ATRX: variants seen among roughly 807,000 people sequenced by gnomAD.
The protein encoded by ATRX is ATRX chromatin remodeler.
Under a neutral mutation model 172.6 loss-of-function variants are expected in ATRX, and 12 were observed. That is an observed-to-expected ratio of 0.07 (90% confidence interval 0.04 to 0.11). The LOEUF is 0.11. Ranked by LOEUF, ATRX falls within the 10% of genes least tolerant of loss-of-function variation. The pLI is 1.00. For missense variants in ATRX, 1,368 were observed against 1,767.4 expected (o/e 0.77, Z 4.05); for synonymous variants, 674 against 594.7 (o/e 1.13, Z -1.94).
chrX:77,514,784 A>G (rs1476527468), intron 34 of ATRX, among the ~76,000 whole-genome samples: 1 of 112,746 alleles, frequency 8.9e-6, no homozygotes, highest in Non-Finnish European at 1.9e-5. Context: ...TCTGCACAGC[A>G]GAGCTTCTGC....
chrX:77,636,089 C>T (rs2068335287), intron 15 of ATRX, 33 bp from the exon 16 acceptor site: 1 of 1,197,766 alleles, frequency 8.3e-7, no homozygotes, highest in African/African-American at 1.8e-5. Context: ...TAGTTAAGCT[C>T]AAAGAAATCA....
intron 28 of ATRX, among the ~76,000 whole-genome samples, chrX:77,564,904 T>C (rs2065144899): frequency 9.0e-6 from 1 of 111,561 alleles, no homozygotes; most frequent in Non-Finnish European, 1.9e-5. Flanking sequence ...CGTAACCAAG[T>C]TATAACAAGG....
intron 13 of ATRX, among the ~76,000 whole-genome samples, chrX:77,654,419 G>C (rs782373012): frequency 1.1e-3 from 124 of 111,222 alleles, no homozygotes; most frequent in Non-Finnish European, 2.2e-3. Context: ...TTTGTTATAT[G>C]AGTAAGAAGA....
At chrX:77,624,779 T>C (rs1431304359) in intron 19 of ATRX, among the ~76,000 whole-genome samples, 1 of 112,132 alleles carries the variant, frequency 8.9e-6, no homozygotes, top group East Asian at 2.8e-4. Flanking sequence ...CCCATGCTCA[T>C]GAATGGGTAG....
chrX:77,602,783 A>C (rs1248978150), intron 22 of ATRX, among the ~76,000 whole-genome samples: 1 of 111,209 alleles, frequency 9.0e-6, no homozygotes, highest in Non-Finnish European at 1.9e-5. Flanking sequence ...TTTAGTAAGA[A>C]GAGGAATGTT....
chrX:77,662,617 G>A (rs1465282879), intron 12 of ATRX, among the ~76,000 whole-genome samples: 1 of 111,959 alleles, frequency 8.9e-6, no homozygotes, highest in Non-Finnish European at 1.9e-5. Context: ...TCATGTGATA[G>A]TATACTTGTT....
At chrX:77,697,693 A>G in intron 3 of ATRX, 58 bp from the exon 4 acceptor site, 1 of 1,037,649 alleles carries the variant, frequency 9.6e-7, no homozygotes, top group Non-Finnish European at 1.4e-6. Flanking sequence ...CATCCCTACA[A>G]TTAGCTATTT....
intron 22 of ATRX, among the ~76,000 whole-genome samples, chrX:77,602,273 G>A (rs1230741288): frequency 3.6e-5 from 4 of 111,332 alleles, no homozygotes; most frequent in Admixed American, 9.6e-5. Context: ...CCTCCCGAAA[G>A]GCTGGGATTA....
intron 1 of ATRX, among the ~76,000 whole-genome samples, chrX:77,781,634 C>T (rs1557205686): frequency 2.7e-5 from 3 of 110,922 alleles, no homozygotes; most frequent in African/African-American, 9.8e-5. Context: ...AGTTAAACAT[C>T]TTGCATGTCA....
intron 1 of ATRX, among the ~76,000 whole-genome samples, chrX:77,720,928 T>A (rs1448418567): frequency 9.0e-6 from 1 of 111,412 alleles, no homozygotes; most frequent in South Asian, 3.7e-4. Context: ...AAATCCTCAA[T>A]AAAATACTGG....
chrX:77,774,879 T>C (rs112759400), intron 1 of ATRX, among the ~76,000 whole-genome samples: 21 of 106,939 alleles, frequency 2.0e-4, no homozygotes, highest in African/African-American at 7.3e-4. Flanking sequence ...GCTAATTTAG[T>C]ACTTTTGTTT....
intron 23 of ATRX, 107 bp from the exon 24 acceptor site, chrX:77,599,927 G>T: frequency 1.5e-6 from 1 of 645,864 alleles, no homozygotes; most frequent in Non-Finnish European, 2.5e-6. Flanking sequence ...GCTGAGGAAG[G>T]ACTGAGGAAC....
At chrX:77,569,671 T>C (rs2065335575) in intron 28 of ATRX, among the ~76,000 whole-genome samples, 1 of 111,633 alleles carries the variant, frequency 9.0e-6, no homozygotes, top group South Asian at 3.7e-4. Flanking sequence ...AAAAGAGAAA[T>C]ACCTGGGTGT....
At chrX:77,704,173 C>A (rs1341213014) in intron 2 of ATRX, among the ~76,000 whole-genome samples, 1 of 110,712 alleles carries the variant, frequency 9.0e-6, no homozygotes, top group Admixed American at 9.6e-5. Context: ...TACCTCTCTG[C>A]AGGAAAGTCG....
At chrX:77,704,466 C>T (rs1232552479) in intron 2 of ATRX, among the ~76,000 whole-genome samples, 1 of 112,037 alleles carries the variant, frequency 8.9e-6, no homozygotes, top group Non-Finnish European at 1.9e-5. Context: ...GGCAGCCCAA[C>T]CTCCAGCCTT....
intron 27 of ATRX, among the ~76,000 whole-genome samples, chrX:77,588,092 G>C (rs1445009448): frequency 1.8e-5 from 2 of 112,075 alleles, no homozygotes; most frequent in Non-Finnish European, 3.8e-5. Context: ...TAGATCAATG[G>C]AATAGAATTG....
intron 30 of ATRX, among the ~76,000 whole-genome samples, chrX:77,540,827 G>A (rs185447109): frequency 8.9e-6 from 1 of 111,733 alleles, no homozygotes; most frequent in East Asian, 2.8e-4. Flanking sequence ...GCCTGTAGAG[G>A]GAAATTTATA....
intron 27 of ATRX, among the ~76,000 whole-genome samples, chrX:77,578,140 C>T (rs1557071653): frequency 9.0e-6 from 1 of 111,678 alleles, no homozygotes. Flanking sequence ...TCATCCATCA[C>T]AGTGATCAGA....
chrX:77,582,528 AAAC>A (rs1296935314), intron 27 of ATRX, among the ~76,000 whole-genome samples: 3 of 111,851 alleles, frequency 2.7e-5, no homozygotes, highest in African/African-American at 6.5e-5. Flanking sequence ...GAAATAAAGA[AAAC>A]AATACAAAAG....
Sources: gnomAD v4.1 joint callset for allele counts (sites outside exome capture counted in the v4.1 genomes callset) on GRCh38, gnomAD v4.1.1 for gene constraint, MANE v1.5 for transcripts, NCBI Gene and HGNC (gene_info 2026-07-23, HGNC 2026-07-21) for gene names.